The following CHSY1 variants were observed in gnomAD, a reference collection of about 807,000 sequenced individuals.
CHSY1 encodes the protein N-acetylgalactosaminyl-proteoglycan 3-beta-glucuronosyltransferase 1.
Under a neutral mutation model 59.8 loss-of-function variants are expected in CHSY1, and 13 were observed. That is an observed-to-expected ratio of 0.22 (90% CI 0.14 to 0.35). The LOEUF (loss-of-function observed/expected upper bound fraction) is 0.35. Ranked by LOEUF, CHSY1 falls within the 10% of genes least tolerant of loss-of-function variation. The pLI is 1.00. For synonymous variants in CHSY1, 459 were observed against 401.2 expected (o/e 1.14, Z -1.72); for missense variants, 947 against 1,030.6 (o/e 0.92, Z 1.11).
chr15:101,213,860 TA>T (rs1041694983), intron 2 of CHSY1, among the ~76,000 whole-genome samples: 2 of 152,238 alleles, frequency 1.3e-5, no homozygotes, highest in African/African-American at 4.8e-5. Context: ...GTTTAAGTCT[TA>T]CTCAATCATA....
chr15:101,224,065 G>A (rs913552543), intron 2 of CHSY1, among the ~76,000 whole-genome samples: 18 of 152,250 alleles, frequency 1.2e-4, no homozygotes, highest in Non-Finnish European at 2.5e-4. Context: ...ACAGTAACAT[G>A]CTGTACAGGT....
chr15:101,229,142 G>C (rs753340144), intron 2 of CHSY1, among the ~76,000 whole-genome samples: 6 of 152,156 alleles, frequency 3.9e-5, no homozygotes, highest in Non-Finnish European at 5.9e-5. Context: ...AAAAAAGGTA[G>C]TACTGGAGTA....
rs532997605 is a variant in CHSY1 at position 101,215,477 on chromosome 15, G to T, written c.816+19605C>A. On this transcript the variant is annotated intron_variant, in intron 2 of 2. Transcript: ENST00000254190. ...AGGCCACGCGTGGTGGCTCACGCCT[G>T]TAATCCCAGCATCTGAGGAGGCCAA... Among the ~76,000 whole-genome samples, 40 of 152,364 alleles carry T rather than the reference G, an allele frequency of 2.6e-4. No individual in the cohort carries two copies. The South Asian group carries it at 4.8e-3, about 18-fold the overall frequency.
At chr15:101,181,833 G>A (rs939467004) in intron 2 of CHSY1, among the ~76,000 whole-genome samples, 1 of 152,174 alleles carries the variant, frequency 6.6e-6, no homozygotes, top group Non-Finnish European at 1.5e-5. Context: ...ACCCATGTAT[G>A]AGTTTTGACT....
intron 2 of CHSY1, among the ~76,000 whole-genome samples, chr15:101,211,264 C>A (rs1425137040): frequency 6.6e-6 from 1 of 152,168 alleles, no homozygotes; most frequent in African/African-American, 2.4e-5. Flanking sequence ...ATGGAGGTTG[C>A]AGTGAGCTGA....
At position 101,178,345 on chromosome 15, in the gene CHSY1, C is replaced by T; in HGVS notation, c.1452G>A (p.Glu484=). 6.2e-7 allele frequency: 1 copy of T among 1,607,730 alleles called. No individual in the cohort carries two copies. The highest frequency in any genetic ancestry group is 8.5e-7 in the Non-Finnish European group (1 of 1,174,872). ...ACTCTTGTGCATCCAGCTCCTCATG[C>T]TCCACAAACTGGATTTTGCTGAAAG... ...QQTFSKIQFV[E]HEELDAQELA... Residue 484 remains glutamate (E), a synonymous_variant, in exon 3 of 3, where the codon GAG becomes GAA. Transcript: ENST00000254190.
chr15:101,222,412 GCTT>G lies in CHSY1; in HGVS notation c.816+12667_816+12669del, dbSNP rs144752751. On this transcript the variant is annotated intron_variant, in intron 2 of 2. Coordinates refer to ENST00000254190, the MANE Select transcript of CHSY1 (RefSeq NM_014918.5). Reference sequence around the variant, plus strand: ...GAGACAGTTCCCACAGCTTCACCCCGCTTCTTCTGATGTTAACATCCCACTTGA... The same window carrying G: ...GAGACAGTTCCCACAGCTTCACCCCGCTTCTGATGTTAACATCCCACTTGA... 1.7e-3 allele frequency among the ~76,000 whole-genome samples: 254 copies of G among 152,260 alleles called. 4 individuals are homozygous for G. In the East Asian group the frequency reaches 0.044, roughly 26 times the overall value.
chr15:101,224,667 TC>T (rs1398296132), intron 2 of CHSY1, among the ~76,000 whole-genome samples: 1 of 152,068 alleles, frequency 6.6e-6, no homozygotes, highest in Non-Finnish European at 1.5e-5. Flanking sequence ...TCTGAGAAAC[TC>T]CCACCTGGTC....
At chr15:101,222,734 T>C (rs537079797) in intron 2 of CHSY1, among the ~76,000 whole-genome samples, 2 of 152,262 alleles carry the variant, frequency 1.3e-5, no homozygotes, top group East Asian at 1.9e-4. Flanking sequence ...ACTGGGGTTG[T>C]GGATTTGGGG....
At chr15:101,189,165 A>C (rs1224379657) in intron 2 of CHSY1, among the ~76,000 whole-genome samples, 2 of 152,226 alleles carry the variant, frequency 1.3e-5, no homozygotes, top group Non-Finnish European at 2.9e-5. Context: ...CGGGCGAAAG[A>C]GTCCCAGCCC....
chr15:101,218,261 A>T (rs552278834), intron 2 of CHSY1, among the ~76,000 whole-genome samples: 2 of 152,360 alleles, frequency 1.3e-5, no homozygotes, highest in East Asian at 3.9e-4. Flanking sequence ...AGGACATTTA[A>T]ATAAAGTATA....
chr15:101,188,609 G>T (rs936345167), intron 2 of CHSY1, among the ~76,000 whole-genome samples: 2 of 149,784 alleles, frequency 1.3e-5, no homozygotes, highest in African/African-American at 2.5e-5. Flanking sequence ...AAAAAAAAGA[G>T]AATTATTATG....
intron 2 of CHSY1, among the ~76,000 whole-genome samples, chr15:101,208,022 C>T (rs67175901): frequency 0.086 from 13,130 of 152,234 alleles, 678 homozygotes; most frequent in East Asian, 0.2. Flanking sequence ...TCACTTACAG[C>T]GGAAACTGAT....
intron 1 of CHSY1, among the ~76,000 whole-genome samples, chr15:101,237,342 G>C (rs1176222554): frequency 6.6e-6 from 1 of 151,642 alleles, no homozygotes; most frequent in Non-Finnish European, 1.5e-5. Context: ...GAATGCGGCA[G>C]AAGACAAGAT....
At chr15:101,185,414 C>CCCTCCATCCTCCTTCCCTGTGAACACT (rs1596426707) in intron 2 of CHSY1, among the ~76,000 whole-genome samples, 3 of 147,482 alleles carry the variant, frequency 2.0e-5, no homozygotes, top group South Asian at 2.2e-4. Flanking sequence ...GTGTGAACAA[C>CCCTCCATCCTCCTTCCCTGTGAACACT]CTCCATGGAG....
In CHSY1 at chr15:101,203,067, T is replaced by C. The variant is rs538129541; in HGVS notation, c.817-24087A>G. Among the ~76,000 whole-genome samples, 7 of 152,334 alleles carry C rather than the reference T, an allele frequency of 4.6e-5. No homozygotes were observed. The South Asian group carries it at 1.4e-3, about 32-fold the overall frequency. ...CAATGGGATTCAGTAACGGCTATTT[T>C]CAAGTAAACAAACAAGAAAACAACC... On this transcript the variant is annotated intron_variant, in intron 2 of 2. Transcript: ENST00000254190.
intron 2 of CHSY1, among the ~76,000 whole-genome samples, chr15:101,230,994 T>C (rs2038887214): frequency 6.6e-6 from 1 of 152,128 alleles, no homozygotes; most frequent in Admixed American, 6.5e-5. Flanking sequence ...ATAACTGGTG[T>C]ATTTTGGTGT....
At chr15:101,227,932 A>T (rs1361188954) in intron 2 of CHSY1, among the ~76,000 whole-genome samples, 1 of 109,904 alleles carries the variant, frequency 9.1e-6, no homozygotes, top group Non-Finnish European at 1.7e-5. Context: ...AACATCCCTG[A>T]AGGGGTAGAT....
intron 1 of CHSY1, among the ~76,000 whole-genome samples, chr15:101,248,127 C>T (rs1285514578): frequency 6.6e-6 from 1 of 152,150 alleles, no homozygotes; most frequent in African/African-American, 2.4e-5. Context: ...AAGCTCAGCA[C>T]ATCGATTTCC....
Sources: gnomAD v4.1 joint callset for allele counts (sites outside exome capture counted in the v4.1 genomes callset) on GRCh38, gnomAD v4.1.1 for gene constraint, MANE v1.5 for transcripts, NCBI Gene and HGNC (gene_info 2026-07-23, HGNC 2026-07-21) for gene names.